Variants in UPK1A observed in about 807,000 individuals in gnomAD.
The protein encoded by UPK1A is uroplakin 1A, also known as uroplakin-1a.
UPK1A carries 31 observed loss-of-function variants against 32.3 expected under a neutral mutation model. That is an observed-to-expected ratio of 0.96 (90% confidence interval 0.72 to 1.30). UPK1A has a LOEUF of 1.30. Ranked by LOEUF, UPK1A falls within the 50% of genes most tolerant of loss-of-function variation. UPK1A has a pLI of 0.00. For missense variants in UPK1A, 340 were observed against 357.4 expected, an observed-to-expected ratio of 0.95 and a Z score of 0.39; for synonymous variants, 135 against 137.1, an observed-to-expected ratio of 0.98 and a Z score of 0.11.
In UPK1A at chr19:35,666,551, C is replaced by T; in HGVS notation, c.-5+13C>T. 2.0e-6 allele frequency: 1 copy of T among 493,102 alleles called. No homozygotes were observed. The highest frequency in any genetic ancestry group is 3.7e-6 in the Non-Finnish European group (1 of 271,890). The allele number at this position is 493,102 out of a possible 1,614,324, so 30.5% of individuals were successfully genotyped here. A position where few individuals can be genotyped will look rare whatever the true frequency, so the allele number is the denominator to read the frequency against. On this transcript the variant is annotated intron_variant, in intron 1 of 7. Coordinates refer to ENST00000617999, the Ensembl canonical transcript of UPK1A. ...GCAGACAGAGAAGGTGAGGAGGGGG[C>T]CCTGGGAGTCTGGGTATGGCATGAG...
At chr19:35,667,129 G>C (rs1968010807) in intron 2 of UPK1A, among the ~76,000 whole-genome samples, 1 of 152,160 alleles carries the variant, frequency 6.6e-6, no homozygotes, top group Admixed American at 6.6e-5. Context: ...CATTGTGTGG[G>C]CTGTTGTCAT....
chr19:35,673,683 G>A lies in UPK1A; in HGVS notation c.468+138G>A, dbSNP rs901252804. The A allele has an allele frequency of 5.4e-6, 4 of 737,996 alleles. No homozygotes were observed. In the African/African-American group the frequency reaches 7.1e-5, roughly 13 times the overall value. The allele number at this position is 737,996 out of a possible 1,614,324, so 45.7% of individuals were successfully genotyped here. A position where few individuals can be genotyped will look rare whatever the true frequency, so the allele number is the denominator to read the frequency against. ...ATGAGATCTCTAGGAGAGCAGGGCT[G>A]CGGTCATCACCGTTCTGCGGATGAG... On this transcript the variant is annotated intron_variant, in intron 5 of 7. Coordinates refer to ENST00000617999, the Ensembl canonical transcript of UPK1A.
chr19:35,674,298 A>G (rs73600896), intron 5 of UPK1A, among the ~76,000 whole-genome samples: 14,014 of 139,296 alleles, frequency 0.1, 820 homozygotes, highest in East Asian at 0.2. Context: ...CCAGGCTGGA[A>G]TGCAGTGGCG....
In UPK1A at chr19:35,677,806, G is replaced by T; in HGVS notation, c.649-6G>T. ...CTTCTCAAACTTCCCCCATCCCCCT[G>T]CCCAGGGCTGCTTCGAACACATCGG... is the stretch of plus-strand genomic sequence containing the variant. On this transcript the variant is annotated splice_region_variant and splice_polypyrimidine_tract_variant and intron_variant, in intron 6 of 7. Coordinates refer to ENST00000617999, the Ensembl canonical transcript of UPK1A. 2 of 1,612,090 alleles carry T rather than the reference G, an allele frequency of 1.2e-6. No individual in the cohort carries two copies. The highest frequency in any genetic ancestry group is 1.7e-6 in the Non-Finnish European group (2 of 1,179,984).
chr19:35,677,012 AG>A (rs1269848902), intron 6 of UPK1A, among the ~76,000 whole-genome samples: 8 of 152,078 alleles, frequency 5.3e-5, no homozygotes, highest in South Asian at 2.1e-4. Flanking sequence ...ACTTGAGGTC[AG>A]AAGCTCAAGA....
chr19:35,678,177 C>T, exon 8 of UPK1A: 1 of 940,338 alleles, frequency 1.1e-6, no homozygotes, highest in Non-Finnish European at 1.5e-6. Context: ...GTTCCTGAGC[C>T]CTACTGTGTC....
intron 3 of UPK1A, 35 bp from the exon 4 acceptor site, chr19:35,673,197 C>T: frequency 6.2e-7 from 1 of 1,609,540 alleles, no homozygotes; most frequent in Non-Finnish European, 8.5e-7. Flanking sequence ...TTCACGGGCT[C>T]TGCCCGACGG....
intron 6 of UPK1A, 177 bp downstream of exon 6, chr19:35,676,196 T>TTTCTTTCTTTCTTTC: frequency 5.3e-6 from 2 of 375,104 alleles, no homozygotes; most frequent in African/African-American, 4.4e-5. Context: ...TCTTTCTTTC[T>TTTCTTTCTTTCTTTC]TTTTTTTTTT....
chr19:35,670,908 T>A (rs531399257), intron 3 of UPK1A, among the ~76,000 whole-genome samples: 10 of 151,400 alleles, frequency 6.6e-5, no homozygotes, highest in Admixed American at 1.3e-4. Context: ...AGAGATGGAG[T>A]CTCACTATGG....
intron 2 of UPK1A, among the ~76,000 whole-genome samples, chr19:35,667,685 G>A (rs1968020236): frequency 6.6e-6 from 1 of 151,926 alleles, no homozygotes. Context: ...GAAGAGATGG[G>A]GTTTCACCAT....
Position 35,678,083 on chromosome 19 carries a change from C to T in UPK1A, c.*64C>T, listed in dbSNP as rs532087746. 4.3e-5 allele frequency: 64 copies of T among 1,499,666 alleles called. No individual in the cohort carries two copies. The East Asian group carries it at 1.3e-3, about 30-fold the overall frequency. 92.9% of individuals were successfully genotyped at this position (1,499,666 alleles called of 1,614,324 possible). ...CTCCGCATCCTCCTCCTGCTTCCTC[C>T]GCTGGGCCTGGATGGCTGCCTCACC... is the stretch of plus-strand genomic sequence containing the variant. On this transcript the variant is annotated 3_prime_UTR_variant, in exon 8 of 8. Coordinates refer to ENST00000617999, the Ensembl canonical transcript of UPK1A.
At chr19:35,670,110 G>A (rs1396614013) in intron 3 of UPK1A, among the ~76,000 whole-genome samples, 2 of 152,204 alleles carry the variant, frequency 1.3e-5, no homozygotes, top group African/African-American at 2.4e-5. Flanking sequence ...CACTGGGAGC[G>A]AGGCAGGTGT....
rs1375643675 is a variant in UPK1A, at chr19:35,675,820, C to A, written c.469-20C>A. 1.9e-6 allele frequency: 3 copies of A among 1,591,978 alleles called. No homozygotes were observed. Among genetic ancestry groups the A allele is most frequent in the Admixed American group, 3.4e-5 (2 of 58,534 alleles). On this transcript the variant is annotated intron_variant, in intron 5 of 7. Coordinates refer to ENST00000617999, the Ensembl canonical transcript of UPK1A. Reference sequence around the variant, plus strand: ...CCTCTCTGAGCCCGAGCCTGCCTGACCCCCTGCTTTTCACTCTAGCAAGAA... The same window carrying A: ...CCTCTCTGAGCCCGAGCCTGCCTGAACCCCTGCTTTTCACTCTAGCAAGAA...
chr19:35,668,143 T>A (rs766560167), intron 2 of UPK1A: 1 of 444,854 alleles, frequency 2.2e-6, no homozygotes, highest in Non-Finnish European at 4.2e-6. Context: ...ATAACAGCAC[T>A]GTCAAGGGAG....
chr19:35,678,302 A>C, exon 8 of UPK1A: 2 of 350,954 alleles, frequency 5.7e-6, no homozygotes, highest in Non-Finnish European at 5.2e-6. Flanking sequence ...TAGCTCTCTG[A>C]CCTCCTCCTT....
At chr19:35,677,778 C>T (rs370404905) in intron 6 of UPK1A, 34 bp from the exon 7 acceptor site, 10 of 1,610,710 alleles carry the variant, frequency 6.2e-6, no homozygotes, top group African/African-American at 4.0e-5. Flanking sequence ...CCCTCATGGG[C>T]GTCTTCTCAA....
At chr19:35,674,664 A>C (rs1968155497) in intron 5 of UPK1A, among the ~76,000 whole-genome samples, 1 of 152,152 alleles carries the variant, frequency 6.6e-6, no homozygotes, top group African/African-American at 2.4e-5. Flanking sequence ...CTGGTAGGTC[A>C]CAGAACTGGA....
At chr19:35,667,963 T>A (rs1864297912) in intron 2 of UPK1A, 2 of 203,680 alleles carry the variant, frequency 9.8e-6, no homozygotes, top group African/African-American at 4.7e-5. Flanking sequence ...CTAATTTTTT[T>A]ATTTTTTGTA....
At chr19:35,674,221 AT>A (rs75531382) in intron 5 of UPK1A, among the ~76,000 whole-genome samples, 26,236 of 125,752 alleles carry the variant, frequency 0.21, 2,800 homozygotes, top group African/African-American at 0.31. Context: ...CTCAAAGCAC[AT>A]TTTTTTTTTT....
Sources: gnomAD v4.1 joint callset for allele counts (sites outside exome capture counted in the v4.1 genomes callset) on GRCh38, gnomAD v4.1.1 for gene constraint, MANE v1.5 for transcripts, NCBI Gene and HGNC (gene_info 2026-07-23, HGNC 2026-07-21) for gene names.